The following PRC1 variants were observed in gnomAD, a reference collection of about 807,000 sequenced individuals.
The protein encoded by PRC1 is anaphase spindle elongation 1 homolog.
A neutral mutation model predicts 91.2 loss-of-function variants in PRC1; 54 were observed. The observed-to-expected ratio is 0.59, with a 90% CI of 0.48 to 0.74. The LOEUF is 0.74. Among genes scored for constraint, PRC1 ranks in the 30% least tolerant of loss-of-function variants. PRC1 has a pLI of 0.00. For synonymous variants in PRC1, 275 were observed against 263.6 expected, an observed-to-expected ratio of 1.04 and a Z score of -0.42; for missense variants, 727 against 746.2, an observed-to-expected ratio of 0.97 and a Z score of 0.30.
At chr15:90,980,557 C>T (rs1379299531) in intron 6 of PRC1, 168 bp from the exon 7 acceptor site, 13 of 829,974 alleles carry the variant, frequency 1.6e-5, no homozygotes, top group African/African-American at 1.1e-4. Flanking sequence ...CTCACTCTCT[C>T]GCCCAGACAG....
Position 90,984,624 on chromosome 15 carries a change from T to A in PRC1, c.144+69A>T. 6.3e-7 allele frequency: 1 copy of A among 1,583,494 alleles called. No individual in the cohort carries two copies. The highest frequency in any genetic ancestry group is 2.2e-5 in the East Asian group (1 of 44,618). ...CCGATGATCACATGTCCCTTCTGTA[T>A]GCTATCTCGGGTGAGACACCAACAT... On this transcript the variant is annotated intron_variant, in intron 2 of 14. Coordinates refer to ENST00000394249, the MANE Select transcript of PRC1 (RefSeq NM_003981.4). This position sits in a 1 kb window ranked among gnomAD's most constrained non-coding sequence, Gnocchi z 5.1.
At chr15:90,972,024 T>C (rs999467930) in intron 11 of PRC1, among the ~76,000 whole-genome samples, 4 of 149,888 alleles carry the variant, frequency 2.7e-5, no homozygotes, top group African/African-American at 9.9e-5. Context: ...CGAGACTCCG[T>C]CTCAAAAAAA....
chr15:90,991,235 G>A (rs1314328731), intron 1 of PRC1, among the ~76,000 whole-genome samples: 1 of 151,444 alleles, frequency 6.6e-6, no homozygotes, highest in African/African-American at 2.4e-5. Flanking sequence ...GGCCAACATG[G>A]TGAAACCCCA....
At chr15:90,987,039 C>T (rs536798661) in intron 1 of PRC1, among the ~76,000 whole-genome samples, 19 of 150,392 alleles carry the variant, frequency 1.3e-4, no homozygotes, top group Admixed American at 1.1e-3. Flanking sequence ...CTTGCAAGGC[C>T]GAGGCAGGAA....
rs2151466094 is a variant in PRC1 at position 90,973,919 on chromosome 15, A to AC, written c.1461+216dup. The AC allele has an allele frequency of 1.0e-5, 5 of 493,106 alleles. No individual in the cohort carries two copies. The South Asian group carries it at 1.3e-4, about 13-fold the overall frequency. 30.5% of individuals were successfully genotyped at this position (493,106 alleles called of 1,614,324 possible). A position where few individuals can be genotyped will look rare whatever the true frequency, so the allele number is the denominator to read the frequency against. ...AATAAATACTGAGGGAACTCAAGAG[A>AC]CCGGTGCTGGTGCAGGTCCTCTGTA... On this transcript the variant is annotated intron_variant, in intron 11 of 14. Coordinates refer to ENST00000394249, the MANE Select transcript of PRC1 (RefSeq NM_003981.4).
At chr15:90,977,011 T>C (rs1483188995) in intron 8 of PRC1, among the ~76,000 whole-genome samples, 1 of 151,014 alleles carries the variant, frequency 6.6e-6, no homozygotes, top group African/African-American at 2.4e-5. Flanking sequence ...GCACGTGCAG[T>C]CCCAGCTACT....
At chr15:90,979,510 TAG>T (rs1431416291) in intron 7 of PRC1, among the ~76,000 whole-genome samples, 3 of 152,224 alleles carry the variant, frequency 2.0e-5, no homozygotes, top group Admixed American at 6.5e-5. Context: ...GAGACTAGGA[TAG>T]AGACTAAAAT....
intron 11 of PRC1, 192 bp downstream of exon 11, chr15:90,973,944 A>G: frequency 3.6e-6 from 2 of 556,752 alleles, no homozygotes; most frequent in Non-Finnish European, 6.4e-6. Flanking sequence ...GGTCCTCTGT[A>G]TGCTGAGTGC....
intron 1 of PRC1, among the ~76,000 whole-genome samples, chr15:90,993,105 A>G (rs1340819302): frequency 6.8e-6 from 1 of 146,416 alleles, no homozygotes; most frequent in Non-Finnish European, 1.5e-5. Context: ...AAAAAAGTTA[A>G]TTATATCCAT....
chr15:90,992,718 T>C (rs1230672748), intron 1 of PRC1, among the ~76,000 whole-genome samples: 1 of 149,670 alleles, frequency 6.7e-6, no homozygotes, highest in Non-Finnish European at 1.5e-5. Context: ...GTTTTTTTTT[T>C]AGATTCACTG....
At chr15:90,977,195 G>A (rs1414544205) in intron 8 of PRC1, 2 of 149,634 alleles carry the variant, frequency 1.3e-5, no homozygotes, top group African/African-American at 4.9e-5. Flanking sequence ...TAACTTTTCT[G>A]TTTTTTACTG....
intron 12 of PRC1, 101 bp downstream of exon 12, chr15:90,970,303 C>G: frequency 1.1e-6 from 1 of 884,136 alleles, no homozygotes; most frequent in Non-Finnish European, 1.8e-6. Context: ...CAATAAGAAC[C>G]AAATCCAGGG....
chr15:90,966,525 G>A lies in PRC1; in HGVS notation c.*606C>T, dbSNP rs772982990. The A allele has an allele frequency of 4.4e-6, 2 of 455,994 alleles. No individual in the cohort carries two copies. The highest frequency in any genetic ancestry group is 8.8e-6 in the Non-Finnish European group (2 of 226,632). The allele number at this position is 455,994 out of a possible 1,614,324, so 28.2% of individuals were successfully genotyped here. On this transcript the variant is annotated 3_prime_UTR_variant, in exon 15 of 15. Transcript: ENST00000394249. ...ATGCATACCCCCAACAAAGGGCAAT[G>A]CACTGTGTAACAGAACTGAACACAA...
In PRC1 at chr15:90,966,370, A is replaced by G. The variant is rs771155412; in HGVS notation, c.*761T>C. The G allele has an allele frequency of 1.2e-5, 4 of 335,192 alleles. No individual in the cohort carries two copies. Among genetic ancestry groups the G allele is most frequent in the African/African-American group, 4.3e-5 (2 of 46,150 alleles). 20.8% of individuals were successfully genotyped at this position (335,192 alleles called of 1,614,324 possible). A position where few individuals can be genotyped will look rare whatever the true frequency, so the allele number is the denominator to read the frequency against. On this transcript the variant is annotated 3_prime_UTR_variant, in exon 15 of 15. Transcript: ENST00000394249. ...AAAGACAGCTCAACCCATTGGAACA[A>G]ACAGACTCCCAATGTGGCTGGCAAC...
intron 14 of PRC1, chr15:90,968,097 G>A (rs1320610308): frequency 1.0e-6 from 1 of 985,304 alleles, no homozygotes; most frequent in Non-Finnish European, 1.2e-6. Context: ...GAGTCTATCA[G>A]CCATAGCAAC....
chr15:90,992,965 A>G (rs1406021617), intron 1 of PRC1, among the ~76,000 whole-genome samples: 1 of 148,680 alleles, frequency 6.7e-6, no homozygotes, highest in African/African-American at 2.5e-5. Flanking sequence ...ATCGATAACC[A>G]TAATTAATTC....
At position 90,981,974 on chromosome 15, in the gene PRC1, C is replaced by G. The variant is rs1318483367; in HGVS notation, c.275G>C (p.Gly92Ala). 1 of 1,613,502 alleles carries G rather than the reference C, an allele frequency of 6.2e-7. No individual in the cohort carries two copies. Among genetic ancestry groups the G allele is most frequent in the Admixed American group, 1.7e-5 (1 of 59,930 alleles). ...TTCTAGTTGCAAGATGGTCGTCTCT[C>G]CTTCTTCCTGAATAAGACAACGTAC... Reference protein sequence around the residue: ...ELHVEPFQEEGETTILQLEKD... With the variant: ...ELHVEPFQEEAETTILQLEKD... Residue 92 changes from glycine to alanine, a missense_variant, in exon 4 of 15, where the codon GGA becomes GCA. Transcript: ENST00000394249.
intron 5 of PRC1, 24 bp downstream of exon 5, chr15:90,981,475 G>T: frequency 6.2e-7 from 1 of 1,612,760 alleles, no homozygotes; most frequent in South Asian, 1.1e-5. Flanking sequence ...GGAGATCCTA[G>T]GGCATAATTT....
At position 90,979,150 on chromosome 15, in the gene PRC1, G is replaced by C. The variant is rs369012632; in HGVS notation, c.1107+8C>G. ...TAACAGTTAAAAACACAAAAACTAG[G>C]ACAATACCTCAAACTCTAAGAAAAG... On this transcript the variant is annotated splice_region_variant and intron_variant, in intron 8 of 14. Transcript: ENST00000394249. The C allele has an allele frequency of 5.0e-6, 8 of 1,611,894 alleles. No homozygotes were observed. In the African/African-American group the frequency reaches 8.0e-5, roughly 16 times the overall value.
Sources: gnomAD v4.1 joint callset for allele counts (sites outside exome capture counted in the v4.1 genomes callset) on GRCh38, gnomAD v4.1.1 for gene constraint, Gnocchi (gnomAD v3.1) non-coding constraint, MANE v1.5 for transcripts, NCBI Gene and HGNC (gene_info 2026-07-23, HGNC 2026-07-21) for gene names.